The following FGF14 variants were observed in gnomAD, a reference collection of about 807,000 sequenced individuals.
The protein encoded by FGF14 is fibroblast growth factor homologous factor 4.
A neutral mutation model predicts 25.5 loss-of-function variants in FGF14; 5 were observed. That is an observed-to-expected ratio of 0.20 (90% CI 0.10 to 0.41). The LOEUF is 0.41. Ranked by LOEUF, FGF14 falls within the 10% of genes least tolerant of loss-of-function variation. The pLI, the probability that FGF14 is intolerant of heterozygous loss-of-function variation, is 1.00. For missense variants in FGF14, 222 were observed against 320.1 expected (o/e 0.69, Z 2.34); for synonymous variants, 138 against 118.3 (o/e 1.17, Z -1.08).
chr13:101,787,017 T>C (rs1316186762), intron 3 of FGF14, among the ~76,000 whole-genome samples: 1 of 152,188 alleles, frequency 6.6e-6, no homozygotes. Context: ...ATCTGTCTTG[T>C]CTTCCCAATT....
At chr13:102,076,129 A>G (rs917968966) in intron 1 of FGF14, among the ~76,000 whole-genome samples, 14 of 152,182 alleles carry the variant, frequency 9.2e-5, no homozygotes, top group African/African-American at 3.4e-4. Flanking sequence ...CTATGTGTAC[A>G]GTGATTATGA....
chr13:102,310,846 C>A (rs892651521), intron 1 of FGF14, among the ~76,000 whole-genome samples: 16 of 152,068 alleles, frequency 1.1e-4, no homozygotes, highest in African/African-American at 3.1e-4. Context: ...TCATTTGGGG[C>A]CAGATTCCAG....
At chr13:102,059,203 T>C (rs1001539559) in intron 1 of FGF14, among the ~76,000 whole-genome samples, 1 of 152,160 alleles carries the variant, frequency 6.6e-6, no homozygotes, top group Non-Finnish European at 1.5e-5. Context: ...AGGAGGCAAG[T>C]GGAAGGACAC....
At chr13:102,195,175 T>TATA in intron 1 of FGF14, among the ~76,000 whole-genome samples, 1 of 152,152 alleles carries the variant, frequency 6.6e-6, no homozygotes, top group African/African-American at 2.4e-5. Context: ...TGAAGAAATA[T>TATA]TAACAGCACC....
intron 3 of FGF14, among the ~76,000 whole-genome samples, chr13:101,745,883 G>T (rs1255972882): frequency 6.6e-6 from 1 of 152,004 alleles, no homozygotes; most frequent in Non-Finnish European, 1.5e-5. Flanking sequence ...GAAACAGTTT[G>T]CTTGGGCAGA....
chr13:102,092,329 C>G (rs1034367616), intron 1 of FGF14, among the ~76,000 whole-genome samples: 2 of 152,152 alleles, frequency 1.3e-5, no homozygotes, highest in Non-Finnish European at 1.5e-5. Context: ...TCTAAAAACT[C>G]TCACTCTTAC....
intron 1 of FGF14, among the ~76,000 whole-genome samples, chr13:102,266,145 GTCTAATTAGTGA>G (rs959329055): frequency 2.0e-5 from 3 of 152,106 alleles, no homozygotes; most frequent in Non-Finnish European, 4.4e-5. Flanking sequence ...ATTCAAAAAG[GTCTAATTAGTGA>G]TCCTTTACTT....
At chr13:102,253,684 T>A (rs2052308553) in intron 1 of FGF14, among the ~76,000 whole-genome samples, 1 of 152,228 alleles carries the variant, frequency 6.6e-6, no homozygotes, top group South Asian at 2.1e-4. Flanking sequence ...ATCCCATGTG[T>A]CTATTTTGGC....
At chr13:102,393,159 T>C (rs2058474366) in intron 1 of FGF14, among the ~76,000 whole-genome samples, 1 of 152,182 alleles carries the variant, frequency 6.6e-6, no homozygotes, top group South Asian at 2.1e-4. Flanking sequence ...TGAGTTTTAT[T>C]CCCTCCAGAA....
chr13:102,125,346 T>C (rs571326986), intron 1 of FGF14, among the ~76,000 whole-genome samples: 1 of 152,282 alleles, frequency 6.6e-6, no homozygotes, highest in South Asian at 2.1e-4. Context: ...AAAGAAAACA[T>C]AGAAAACCGT....
intron 1 of FGF14, among the ~76,000 whole-genome samples, chr13:102,013,827 A>C (rs1486857072): frequency 2.0e-5 from 3 of 152,172 alleles, no homozygotes; most frequent in Non-Finnish European, 4.4e-5. Context: ...CTTTATTTTA[A>C]AACCAAGGAT....
intron 1 of FGF14, among the ~76,000 whole-genome samples, chr13:102,368,210 G>A (rs1437083415): frequency 1.3e-5 from 2 of 152,184 alleles, no homozygotes; most frequent in Admixed American, 6.5e-5. Context: ...TTTAATTCAC[G>A]TACATAAAAT....
At chr13:101,923,868 A>T (rs2034179563) in intron 1 of FGF14, among the ~76,000 whole-genome samples, 1 of 152,130 alleles carries the variant, frequency 6.6e-6, no homozygotes, top group Non-Finnish European at 1.5e-5. Context: ...CTATAGAAGC[A>T]ATACCAGATT....
At chr13:102,069,667 G>A (rs375422331) in intron 1 of FGF14, among the ~76,000 whole-genome samples, 132 of 152,120 alleles carry the variant, frequency 8.7e-4, no homozygotes, top group African/African-American at 3.1e-3. Context: ...CTTCACTCCT[G>A]AGCCAGCGAG....
intron 1 of FGF14, among the ~76,000 whole-genome samples, chr13:102,317,106 C>CTAG (rs1284104754): frequency 5.3e-5 from 8 of 152,094 alleles, no homozygotes; most frequent in Non-Finnish European, 1.0e-4. Context: ...GTATGCCTGC[C>CTAG]TCTAGCACAG....
chr13:101,715,618 T>C lies in FGF14; in HGVS notation c.*7213A>G. 6.2e-7 allele frequency: 1 copy of C among 1,613,400 alleles called. No homozygotes were observed. Among genetic ancestry groups the C allele is most frequent in the South Asian group, 1.1e-5 (1 of 91,072 alleles). Reference sequence around the variant, plus strand: ...AATGCTGGGATGGATGGAATGGAAATGCATGTGAAATCTGGCTTGGCTCAG... The same window carrying C: ...AATGCTGGGATGGATGGAATGGAAACGCATGTGAAATCTGGCTTGGCTCAG... On this transcript the variant is annotated 3_prime_UTR_variant, in exon 5 of 5. Coordinates refer to ENST00000376143, the MANE Select transcript of FGF14 (RefSeq NM_004115.4).
At chr13:101,947,848 A>G (rs1386599133) in intron 1 of FGF14, among the ~76,000 whole-genome samples, 1 of 152,216 alleles carries the variant, frequency 6.6e-6, no homozygotes. Flanking sequence ...TGAAGAAAAA[A>G]ATTGTTGTTT....
intron 1 of FGF14, among the ~76,000 whole-genome samples, chr13:102,011,366 G>C (rs2040067993): frequency 6.6e-6 from 1 of 152,222 alleles, no homozygotes; most frequent in South Asian, 2.1e-4. Flanking sequence ...TAAGACTTAA[G>C]TGTCTATTCC....
In FGF14 at chr13:101,720,574, G is replaced by A. The variant is rs928695265; in HGVS notation, c.*2257C>T. 2 of 150,718 alleles carry A rather than the reference G, an allele frequency of 1.3e-5. No homozygotes were observed. The highest frequency in any genetic ancestry group is 5.0e-5 in the African/African-American group (2 of 40,356). 9.3% of individuals were successfully genotyped at this position (150,718 alleles called of 1,614,324 possible). A position where few individuals can be genotyped will look rare whatever the true frequency, so the allele number is the denominator to read the frequency against. ...TGTGTGTGTGTGTGTGTATATGTGTGTGTTTGTGTGAAGTGAAGTGTTGCT... is the reference window on the plus strand; with the variant it reads ...TGTGTGTGTGTGTGTGTATATGTGTATGTTTGTGTGAAGTGAAGTGTTGCT... On this transcript the variant is annotated 3_prime_UTR_variant, in exon 5 of 5. Transcript: ENST00000376143.
Sources: gnomAD v4.1 joint callset for allele counts (sites outside exome capture counted in the v4.1 genomes callset) on GRCh38, gnomAD v4.1.1 for gene constraint, MANE v1.5 for transcripts, NCBI Gene and HGNC (gene_info 2026-07-23, HGNC 2026-07-21) for gene names.